The following STARD13 variants were observed in gnomAD, a reference collection of about 807,000 sequenced individuals.
STARD13 encodes the protein stAR-related lipid transfer protein 13.
STARD13 carries 62 observed loss-of-function variants against 106.4 expected under a neutral mutation model. The observed-to-expected ratio is 0.58, with a 90% confidence interval of 0.48 to 0.72. The LOEUF is 0.72. Among genes scored for constraint, STARD13 ranks in the 30% least tolerant of loss-of-function variants. STARD13 has a pLI of 0.00. For synonymous variants in STARD13, 565 were observed against 553.0 expected, an observed-to-expected ratio of 1.02 and a Z score of -0.31; for missense variants, 1,387 against 1,424.0, an observed-to-expected ratio of 0.97 and a Z score of 0.42.
chr13:33,670,180 C>A, the STARD13 span, among the ~76,000 whole-genome samples: 1 of 152,158 alleles, frequency 6.6e-6, no homozygotes, highest in Non-Finnish European at 1.5e-5. Context: ...CTGTGACTTG[C>A]ACAGGGCTTG....
the STARD13 span, among the ~76,000 whole-genome samples, chr13:33,553,715 G>A: frequency 2.0e-5 from 3 of 151,554 alleles, no homozygotes; most frequent in Non-Finnish European, 4.4e-5. Flanking sequence ...GAGTAGCTGG[G>A]ACTACAGGCA....
intron 1 of STARD13, among the ~76,000 whole-genome samples, chr13:33,333,388 A>G (rs191010631): frequency 1.6e-4 from 24 of 152,354 alleles, no homozygotes; most frequent in Non-Finnish European, 3.2e-4. Context: ...ACTCAGCCTC[A>G]AAAAATAAAA....
the STARD13 span, among the ~76,000 whole-genome samples, chr13:33,557,929 C>T: frequency 1.4e-4 from 22 of 152,160 alleles, no homozygotes; most frequent in Non-Finnish European, 2.8e-4. Flanking sequence ...TGAGAGTTTC[C>T]TTTTCTGTGC....
At chr13:33,224,494 C>T (rs913850856) in intron 1 of STARD13, among the ~76,000 whole-genome samples, 9 of 152,184 alleles carry the variant, frequency 5.9e-5, no homozygotes, top group African/African-American at 1.9e-4. Flanking sequence ...CTCAAGGACA[C>T]AGCGTGATGG....
chr13:33,306,149 A>T (rs746384387), intron 1 of STARD13, among the ~76,000 whole-genome samples: 3 of 152,232 alleles, frequency 2.0e-5, no homozygotes, highest in Non-Finnish European at 2.9e-5. Flanking sequence ...ATGGAACAGG[A>T]TAAAGATCCC....
At chr13:33,654,371 G>C in the STARD13 span, among the ~76,000 whole-genome samples, 1 of 152,102 alleles carries the variant, frequency 6.6e-6, no homozygotes, top group African/African-American at 2.4e-5. Flanking sequence ...AAACACAAAA[G>C]GGTACATACT....
At chr13:33,384,943 T>C in the STARD13 span, among the ~76,000 whole-genome samples, 4 of 152,032 alleles carry the variant, frequency 2.6e-5, no homozygotes, top group Admixed American at 1.3e-4. Context: ...CTCCAAAGAA[T>C]ATACATAATC....
intron 1 of STARD13, among the ~76,000 whole-genome samples, chr13:33,168,288 G>A (rs1883563672): frequency 6.6e-6 from 1 of 152,124 alleles, no homozygotes; most frequent in African/African-American, 2.4e-5. Flanking sequence ...ATTGAGACTT[G>A]AGTTTGATGA....
the STARD13 span, among the ~76,000 whole-genome samples, chr13:33,385,456 G>A: frequency 7.8e-6 from 1 of 127,988 alleles, no homozygotes; most frequent in East Asian, 2.3e-4. Flanking sequence ...AAGAGTATTT[G>A]CCCAGAATGG....
At chr13:33,490,298 C>A in the STARD13 span, among the ~76,000 whole-genome samples, 1 of 152,062 alleles carries the variant, frequency 6.6e-6, no homozygotes, top group Non-Finnish European at 1.5e-5. Context: ...AGGCAGTTCC[C>A]CGGCAAAGGC....
At chr13:33,400,668 T>G in the STARD13 span, among the ~76,000 whole-genome samples, 1 of 152,140 alleles carries the variant, frequency 6.6e-6, no homozygotes, top group Non-Finnish European at 1.5e-5. Context: ...TTTCACTGTG[T>G]TAGCCAGGAT....
At chr13:33,476,598 G>T in the STARD13 span, among the ~76,000 whole-genome samples, 1 of 152,156 alleles carries the variant, frequency 6.6e-6, no homozygotes, top group Non-Finnish European at 1.5e-5. Context: ...GCTTTGATAA[G>T]TTTGGCATAG....
the STARD13 span, among the ~76,000 whole-genome samples, chr13:33,399,952 A>C: frequency 1.3e-5 from 2 of 152,162 alleles, no homozygotes; most frequent in African/African-American, 2.4e-5. Flanking sequence ...CCAGCATATA[A>C]AAATTGAATA....
At chr13:33,449,153 T>C in the STARD13 span, among the ~76,000 whole-genome samples, 1 of 152,164 alleles carries the variant, frequency 6.6e-6, no homozygotes, top group Non-Finnish European at 1.5e-5. Context: ...TTTGAAGTTT[T>C]TATCCAAAAA....
the STARD13 span, among the ~76,000 whole-genome samples, chr13:33,605,533 A>C: frequency 6.6e-5 from 10 of 151,938 alleles, no homozygotes; most frequent in Non-Finnish European, 1.0e-4. Flanking sequence ...ACAACAACAA[A>C]AAAATGCTTT....
At chr13:33,297,658 A>T (rs1011241753) in intron 1 of STARD13, among the ~76,000 whole-genome samples, 2 of 152,168 alleles carry the variant, frequency 1.3e-5, no homozygotes, top group Non-Finnish European at 2.9e-5. Context: ...CACCAAAAAG[A>T]TAATCATGAC....
At chr13:33,582,221 C>CAAAA in the STARD13 span, among the ~76,000 whole-genome samples, 1 of 126,150 alleles carries the variant, frequency 7.9e-6, no homozygotes, top group African/African-American at 3.2e-5. Flanking sequence ...GACTCCATCT[C>CAAAA]AAAAAAAAAA....
intron 1 of STARD13, among the ~76,000 whole-genome samples, chr13:33,202,294 A>G (rs1443491465): frequency 6.6e-6 from 1 of 152,232 alleles, no homozygotes; most frequent in Non-Finnish European, 1.5e-5. Context: ...GCATTGTTGC[A>G]ATCTCAGGTT....
chr13:33,489,765 G>C, the STARD13 span, among the ~76,000 whole-genome samples: 18 of 152,278 alleles, frequency 1.2e-4, no homozygotes, highest in East Asian at 3.1e-3. Flanking sequence ...GCACCATGGG[G>C]CTAATCACTT....
Sources: gnomAD v4.1 joint callset for allele counts (sites outside exome capture counted in the v4.1 genomes callset) on GRCh38, gnomAD v4.1.1 for gene constraint, MANE v1.5 for transcripts, NCBI Gene and HGNC (gene_info 2026-07-23, HGNC 2026-07-21) for gene names.